The following SDK1 variants were observed in gnomAD, a reference collection of about 807,000 sequenced individuals.
SDK1 encodes sidekick cell adhesion molecule 1.
SDK1 carries 157 observed loss-of-function variants against 245.5 expected under a neutral mutation model. That is an observed-to-expected ratio of 0.64 (90% CI 0.56 to 0.73). The LOEUF is 0.73. Among genes scored for constraint, SDK1 ranks in the 30% least tolerant of loss-of-function variants. The pLI is 0.00. For missense variants in SDK1, 3,583 were observed against 3,002.3 expected (o/e 1.19, Z -4.52); for synonymous variants, 1,647 against 1,278.5 (o/e 1.29, Z -6.15).
At chr7:3,985,233 C>A (rs913572941) in intron 13 of SDK1, among the ~76,000 whole-genome samples, 4 of 152,228 alleles carry the variant, frequency 2.6e-5, no homozygotes, top group Non-Finnish European at 5.9e-5. Context: ...CCCAGTCACT[C>A]AGGAAACTAA....
chr7:3,422,697 T>A (rs1376659653), intron 1 of SDK1, among the ~76,000 whole-genome samples: 1 of 152,132 alleles, frequency 6.6e-6, no homozygotes, highest in Admixed American at 6.5e-5. Context: ...ATGAAATGAT[T>A]GAAAACCCTA....
chr7:3,840,803 T>G (rs2115087573), intron 5 of SDK1, among the ~76,000 whole-genome samples: 1 of 152,290 alleles, frequency 6.6e-6, no homozygotes, highest in Non-Finnish European at 1.5e-5. Context: ...GGATTCACAT[T>G]AGACATGAAA....
intron 1 of SDK1, among the ~76,000 whole-genome samples, chr7:3,399,674 C>A (rs1778829997): frequency 6.6e-6 from 1 of 152,214 alleles, no homozygotes; most frequent in South Asian, 2.1e-4. Flanking sequence ...ACACTGAAAT[C>A]TCTGTTGGGT....
chr7:3,506,162 C>T (rs974012239), intron 1 of SDK1, among the ~76,000 whole-genome samples: 1 of 152,130 alleles, frequency 6.6e-6, no homozygotes, highest in Non-Finnish European at 1.5e-5. Flanking sequence ...TTGCAGTTCA[C>T]ATCTTCTGAC....
intron 30 of SDK1, among the ~76,000 whole-genome samples, chr7:4,156,869 G>T (rs933517082): frequency 4.6e-5 from 7 of 152,162 alleles, no homozygotes; most frequent in Non-Finnish European, 8.8e-5. Flanking sequence ...GAGGACAGAA[G>T]ACTGGTTTTC....
In SDK1 at chr7:3,844,504, G is replaced by C. The variant is rs574930880; in HGVS notation, c.847+22921G>C. On this transcript the variant is annotated intron_variant, in intron 5 of 44. Coordinates refer to ENST00000404826, the MANE Select transcript of SDK1 (RefSeq NM_152744.4). ...CTAGCCTGGCTCCCAGGGAACTGTC[G>C]AGCTGGGCACCCACAGTGTTGCTCA... 2.6e-5 allele frequency among the ~76,000 whole-genome samples: 4 copies of C among 152,238 alleles called. No individual in the cohort carries two copies. In the East Asian group the frequency reaches 7.7e-4, roughly 29 times the overall value.
chr7:3,649,184 A>G (rs1480048621), intron 4 of SDK1, among the ~76,000 whole-genome samples: 2 of 152,154 alleles, frequency 1.3e-5, no homozygotes, highest in African/African-American at 4.8e-5. Flanking sequence ...TGCCACGCTG[A>G]GAAGACATGG....
chr7:3,870,585 C>A (rs902372732), intron 5 of SDK1, among the ~76,000 whole-genome samples: 1 of 151,928 alleles, frequency 6.6e-6, no homozygotes, highest in African/African-American at 2.4e-5. Context: ...AAAAAGTAAA[C>A]TTTTAATTTT....
At chr7:4,021,882 T>C (rs1786925241) in intron 17 of SDK1, among the ~76,000 whole-genome samples, 1 of 152,188 alleles carries the variant, frequency 6.6e-6, no homozygotes, top group Non-Finnish European at 1.5e-5. Context: ...GACAATGGGC[T>C]CCTGGCTTGC....
intron 9 of SDK1, 74 bp from the exon 10 acceptor site, chr7:3,967,244 C>T (rs1258304091): frequency 8.6e-6 from 10 of 1,157,894 alleles, no homozygotes; most frequent in Non-Finnish European, 1.0e-5. Flanking sequence ...AAAGCCCGTG[C>T]AGGATACTCT....
rs113595905 is a variant in SDK1 at position 3,551,738 on chromosome 7, C to T, written c.299-67342C>T. ...TCACCCAGGCTGGAGTACAGCAGCA[C>T]GATCACGGCTCACCGCAGCCTGAGA... is the stretch of plus-strand genomic sequence containing the variant. On this transcript the variant is annotated intron_variant, in intron 1 of 44. Transcript: ENST00000404826. 5.3e-5 allele frequency among the ~76,000 whole-genome samples: 8 copies of T among 152,132 alleles called. 1 individual carries two copies. The highest frequency in any genetic ancestry group is 1.9e-4 in the African/African-American group (8 of 41,490).
intron 5 of SDK1, among the ~76,000 whole-genome samples, chr7:3,874,277 C>G (rs912757589): frequency 6.6e-6 from 1 of 152,226 alleles, no homozygotes; most frequent in Non-Finnish European, 1.5e-5. Flanking sequence ...CGTATCTGCT[C>G]CCCATTTGTC....
chr7:3,770,397 G>A (rs1280646996), intron 4 of SDK1, among the ~76,000 whole-genome samples: 2 of 152,116 alleles, frequency 1.3e-5, no homozygotes, highest in Non-Finnish European at 2.9e-5. Context: ...ACAGTTTTGG[G>A]CTTCTGTGAA....
chr7:3,312,163 A>G (rs573623109), intron 1 of SDK1, among the ~76,000 whole-genome samples: 3 of 152,202 alleles, frequency 2.0e-5, no homozygotes, highest in Non-Finnish European at 2.9e-5. Flanking sequence ...GTGGATTCAA[A>G]TTTAACATTT....
At chr7:3,889,025 A>G (rs911807265) in intron 5 of SDK1, among the ~76,000 whole-genome samples, 3 of 152,198 alleles carry the variant, frequency 2.0e-5, no homozygotes, top group Non-Finnish European at 4.4e-5. Flanking sequence ...ATATTCCTTG[A>G]TAATGTTTCA....
intron 1 of SDK1, among the ~76,000 whole-genome samples, chr7:3,486,251 A>G (rs902767233): frequency 4.8e-5 from 7 of 146,824 alleles, no homozygotes; most frequent in East Asian, 1.9e-4. Context: ...TAAATCTTTA[A>G]TATCTGAGGT....
chr7:4,051,202 ATATATGTATACATAACATATAC>A, intron 18 of SDK1, among the ~76,000 whole-genome samples: 1 of 141,970 alleles, frequency 7.0e-6, no homozygotes, highest in African/African-American at 2.6e-5. Context: ...TGTATATATT[ATATATGTATACATAACATATAC>A]TATATATGTT....
At chr7:4,240,650 A>G (rs1786461664) in intron 42 of SDK1, among the ~76,000 whole-genome samples, 1 of 152,218 alleles carries the variant, frequency 6.6e-6, no homozygotes, top group Non-Finnish European at 1.5e-5. Flanking sequence ...AGCCCCTGGT[A>G]TGTGTGTAGG....
At chr7:3,829,115 G>A (rs1056329153) in intron 5 of SDK1, among the ~76,000 whole-genome samples, 3 of 152,182 alleles carry the variant, frequency 2.0e-5, no homozygotes, top group African/African-American at 7.2e-5. Flanking sequence ...GATGCGCTGC[G>A]GTAGTTTTAT....
Sources: gnomAD v4.1 joint callset for allele counts (sites outside exome capture counted in the v4.1 genomes callset) on GRCh38, gnomAD v4.1.1 for gene constraint, MANE v1.5 for transcripts, NCBI Gene and HGNC (gene_info 2026-07-23, HGNC 2026-07-21) for gene names.